Variants in ROBO2 observed in about 807,000 individuals in gnomAD.
ROBO2 encodes the protein roundabout guidance receptor 2.
In ROBO2, 53 loss-of-function variants were observed where a neutral mutation model predicts 160.8. That is an observed-to-expected ratio of 0.33 (90% confidence interval 0.26 to 0.41). ROBO2 has a LOEUF of 0.41. ROBO2 is among the 10% of genes least tolerant of loss of function. ROBO2 has a pLI of 1.00. For missense variants in ROBO2, 1,577 were observed against 1,722.4 expected (o/e 0.92, Z 1.49); for synonymous variants, 664 against 611.7 (o/e 1.09, Z -1.26).
intron 2 of ROBO2, among the ~76,000 whole-genome samples, chr3:76,358,298 T>A (rs2075298380): frequency 6.6e-6 from 1 of 152,056 alleles, no homozygotes; most frequent in African/African-American, 2.4e-5. Context: ...TCTTACCTGG[T>A]CTTCCATTCT....
At chr3:77,324,448 C>T (rs889812030) in intron 2 of ROBO2, among the ~76,000 whole-genome samples, 2 of 152,070 alleles carry the variant, frequency 1.3e-5, no homozygotes, top group African/African-American at 4.8e-5. Context: ...ACCCGTTGTC[C>T]AGTTGTAGGG....
rs1287582421 is a variant in ROBO2, at chr3:76,396,528, A to C, written c.109+458926A>C. On this transcript the variant is annotated intron_variant, in intron 2 of 26. Coordinates refer to the ROBO2 transcript ENST00000487694. ...TATTCAATTGGGAAAAGAGGAAGTC[A>C]AATTGTCCCTGTTTGCAGACGACAT... Among the ~76,000 whole-genome samples, 5 of 152,324 alleles carry C rather than the reference A, an allele frequency of 3.3e-5. No homozygotes were observed. The East Asian group carries it at 9.7e-4, about 29-fold the overall frequency.
chr3:77,594,897 C>A (rs571890173), intron 17 of ROBO2, among the ~76,000 whole-genome samples: 1 of 152,280 alleles, frequency 6.6e-6, no homozygotes, highest in African/African-American at 2.4e-5. Context: ...CAAATTAGTT[C>A]TTTAACTTAA....
At chr3:76,191,424 C>G (rs1701998145) in intron 2 of ROBO2, among the ~76,000 whole-genome samples, 1 of 152,112 alleles carries the variant, frequency 6.6e-6, no homozygotes, top group South Asian at 2.1e-4. Flanking sequence ...CAGAGGTTAT[C>G]TTGCCTATCT....
chr3:76,946,318 G>T (rs544204549), intron 2 of ROBO2, among the ~76,000 whole-genome samples: 1 of 152,074 alleles, frequency 6.6e-6, no homozygotes, highest in Non-Finnish European at 1.5e-5. Context: ...CTGTCCAGGG[G>T]TGGGGATTTT....
At chr3:76,473,214 G>C (rs1157092849) in intron 2 of ROBO2, among the ~76,000 whole-genome samples, 2 of 152,058 alleles carry the variant, frequency 1.3e-5, no homozygotes, top group Non-Finnish European at 2.9e-5. Context: ...AATTCAACTT[G>C]TTGTCAGCTC....
intron 2 of ROBO2, among the ~76,000 whole-genome samples, chr3:77,251,841 C>T (rs538021736): frequency 5.3e-4 from 81 of 152,232 alleles, no homozygotes; most frequent in Admixed American, 1.2e-3. Context: ...CCTGATTGTG[C>T]GGGCTCCCCA....
chr3:76,473,478 G>C (rs748571338), intron 2 of ROBO2, among the ~76,000 whole-genome samples: 1 of 152,082 alleles, frequency 6.6e-6, no homozygotes, highest in African/African-American at 2.4e-5. Flanking sequence ...TAGAATTTCT[G>C]TCTGTAAAAG....
intron 1 of ROBO2, among the ~76,000 whole-genome samples, chr3:77,045,165 C>G (rs2064516003): frequency 6.6e-6 from 1 of 152,060 alleles, no homozygotes; most frequent in Non-Finnish European, 1.5e-5. Flanking sequence ...TGATTATAAA[C>G]TCTTTTTAAA....
chr3:76,431,723 AAAG>A (rs912208379), intron 2 of ROBO2, among the ~76,000 whole-genome samples: 1 of 152,152 alleles, frequency 6.6e-6, no homozygotes, highest in Non-Finnish European at 1.5e-5. Flanking sequence ...ATAAAAAAAT[AAAG>A]AAGGAGGGTG....
In ROBO2 at chr3:76,988,856, T is replaced by C. The variant is rs1237894361; in HGVS notation, c.110-109158T>C. Among the ~76,000 whole-genome samples the C allele has an allele frequency of 5.4e-4, 82 of 152,134 alleles. 1 individual carries two copies. On this transcript the variant is annotated intron_variant, in intron 2 of 26. Coordinates refer to the ROBO2 transcript ENST00000487694. The stretch of plus-strand genomic sequence containing the variant: ...TCGAGTATCAAACTACAGAAGTGTT[T>C]ACCTCAGCCCTGCCCTGATGCTGCA...
chr3:75,970,289 A>T (rs1272835240), intron 2 of ROBO2, among the ~76,000 whole-genome samples: 2 of 151,564 alleles, frequency 1.3e-5, no homozygotes, highest in Non-Finnish European at 3.0e-5. Flanking sequence ...ACAGTTCGCA[A>T]GATTAAAAAC....
intron 2 of ROBO2, among the ~76,000 whole-genome samples, chr3:76,355,737 C>CT (rs1251361441): frequency 1.3e-5 from 2 of 151,788 alleles, no homozygotes; most frequent in Non-Finnish European, 2.9e-5. Context: ...AGCATTGGCA[C>CT]TTTCCCCAGT....
chr3:76,078,741 GA>G (rs79438038), intron 2 of ROBO2, among the ~76,000 whole-genome samples: 67,844 of 150,980 alleles, frequency 0.45, 15,407 homozygotes, highest in Middle Eastern at 0.61. Context: ...TTAAAAATTA[GA>G]AAAAAAAAGC....
chr3:77,562,853 T>A (rs1324640482), intron 10 of ROBO2, 121 bp downstream of exon 11: 6 of 775,590 alleles, frequency 7.7e-6, no homozygotes, highest in South Asian at 5.9e-5. Context: ...AGCCTTTACA[T>A]TCAATGCCAT....
At chr3:77,024,528 G>A (rs916590853) in intron 2 of ROBO2, among the ~76,000 whole-genome samples, 2 of 152,076 alleles carry the variant, frequency 1.3e-5, no homozygotes, top group Non-Finnish European at 2.9e-5. Flanking sequence ...CTGGTGTTTA[G>A]GGAGAATGGT....
chr3:76,417,853 G>A (rs543576725), intron 2 of ROBO2, among the ~76,000 whole-genome samples: 1 of 152,134 alleles, frequency 6.6e-6, no homozygotes, highest in Non-Finnish European at 1.5e-5. Context: ...CTGCAAGGAT[G>A]TGTTCTCTAC....
At chr3:76,820,120 C>A (rs1307736155) in intron 2 of ROBO2, among the ~76,000 whole-genome samples, 1 of 151,984 alleles carries the variant, frequency 6.6e-6, no homozygotes, top group African/African-American at 2.4e-5. Flanking sequence ...GCCTGTTAAT[C>A]GATTTGTTTC....
chr3:77,393,312 C>T (rs1051666713), intron 2 of ROBO2, among the ~76,000 whole-genome samples: 1 of 151,962 alleles, frequency 6.6e-6, no homozygotes, highest in Non-Finnish European at 1.5e-5. Context: ...TATATTTGGT[C>T]TGATTTACCT....
Sources: allele counts gnomAD v4.1 joint callset (sites outside exome capture counted in the v4.1 genomes callset), GRCh38; gene constraint gnomAD v4.1.1; transcripts MANE v1.5; gene names NCBI Gene and HGNC (gene_info 2026-07-23, HGNC 2026-07-21).